The following SEC63 variants were observed in gnomAD, a reference collection of about 807,000 sequenced individuals.
SEC63 encodes translocation protein SEC63 homolog.
In SEC63, 56 loss-of-function variants were observed where a neutral mutation model predicts 116.2. The ratio of observed to expected loss-of-function variants is 0.48; its 90% CI spans 0.39 to 0.60. SEC63 has a LOEUF of 0.60. SEC63 is among the 20% of genes least tolerant of loss of function. SEC63 has a pLI of 0.00. For missense variants in SEC63, 668 were observed against 900.0 expected (o/e 0.74, Z 3.30); for synonymous variants, 273 against 294.6 (o/e 0.93, Z 0.75).
At chr6:107,885,792 A>G (rs1172642150) in intron 16 of SEC63, among the ~76,000 whole-genome samples, 2 of 152,222 alleles carry the variant, frequency 1.3e-5, no homozygotes, top group African/African-American at 2.4e-5. Context: ...TGGCACTGGC[A>G]TAAGAATAGA....
chr6:107,918,170 C>A (rs931893571), intron 4 of SEC63, among the ~76,000 whole-genome samples: 4 of 151,308 alleles, frequency 2.6e-5, no homozygotes, highest in Non-Finnish European at 4.4e-5. Context: ...ATAAATAGAA[C>A]AACAAATCCT....
intron 18 of SEC63, among the ~76,000 whole-genome samples, chr6:107,879,775 A>C (rs1460300148): frequency 4.3e-5 from 6 of 139,540 alleles, no homozygotes; most frequent in Non-Finnish European, 9.1e-5. Flanking sequence ...TCCAAGCTGG[A>C]GTTCAGTGGC....
Position 107,869,262 on chromosome 6 carries a change from A to AT in SEC63, c.*2441dup, listed in dbSNP as rs1786069181. Reference sequence around the variant, plus strand: ...AAGGACATGAACATCTAACTCTGAGATTGAGATATTAACACCTCAGGGCCT... The same window carrying AT: ...AAGGACATGAACATCTAACTCTGAGATTTGAGATATTAACACCTCAGGGCCT... On this transcript the variant is annotated 3_prime_UTR_variant, in exon 21 of 21. Transcript: ENST00000369002. The AT allele has an allele frequency of 6.6e-6, 1 of 152,232 alleles. No homozygotes were observed. Among genetic ancestry groups the AT allele is most frequent in the Non-Finnish European group, 1.5e-5 (1 of 68,048 alleles). The allele number at this position is 152,232 out of a possible 1,614,324, so 9.4% of individuals were successfully genotyped here. A position where few individuals can be genotyped will look rare whatever the true frequency, so the allele number is the denominator to read the frequency against.
intron 6 of SEC63, among the ~76,000 whole-genome samples, chr6:107,912,037 C>G (rs1186971672): frequency 6.6e-6 from 1 of 152,212 alleles, no homozygotes; most frequent in African/African-American, 2.4e-5. Flanking sequence ...TGTATACCCC[C>G]TCAAGGTAAC....
intron 17 of SEC63, among the ~76,000 whole-genome samples, chr6:107,882,217 C>G (rs1200245939): frequency 2.6e-5 from 4 of 152,264 alleles, no homozygotes; most frequent in East Asian, 3.9e-4. Context: ...TTTGGCCTCT[C>G]CTTTTGCCTC....
intron 4 of SEC63, among the ~76,000 whole-genome samples, chr6:107,913,813 T>G (rs562704059): frequency 6.6e-6 from 1 of 152,212 alleles, no homozygotes; most frequent in African/African-American, 2.4e-5. Context: ...ATTTCTTCAA[T>G]GAGCATGTTT....
chr6:107,883,967 C>G (rs1786470283), intron 16 of SEC63, among the ~76,000 whole-genome samples: 1 of 151,874 alleles, frequency 6.6e-6, no homozygotes, highest in African/African-American at 2.4e-5. Flanking sequence ...AAAGCAGAAA[C>G]AGGCGGGACG....
At chr6:107,906,154 C>T (rs1411061444) in intron 10 of SEC63, among the ~76,000 whole-genome samples, 1 of 152,164 alleles carries the variant, frequency 6.6e-6, no homozygotes, top group Non-Finnish European at 1.5e-5. Context: ...CGTGTGGCAT[C>T]TCCCCCATCT....
intron 1 of SEC63, among the ~76,000 whole-genome samples, chr6:107,935,957 A>G (rs1290046933): frequency 3.3e-5 from 5 of 152,238 alleles, no homozygotes; most frequent in Admixed American, 3.3e-4. Flanking sequence ...TTCATGGTTT[A>G]GAGAACACTT....
chr6:107,922,053 A>G lies in SEC63; in HGVS notation c.340-144T>C, dbSNP rs1008481. The G allele has an allele frequency of 1.2e-5, 7 of 607,900 alleles. No homozygotes were observed. The Admixed American group carries it at 1.2e-4, about 11-fold the overall frequency. 37.7% of individuals were successfully genotyped at this position (607,900 alleles called of 1,614,324 possible). ...AGACAAAATCCATTTTTCATCCTAT[A>G]TATTTTTCCCATAAATTTCATCCCA... On this transcript the variant is annotated intron_variant, in intron 3 of 20. Transcript: ENST00000369002.
intron 13 of SEC63, among the ~76,000 whole-genome samples, chr6:107,898,124 C>T (rs1314952208): frequency 6.6e-6 from 1 of 151,856 alleles, no homozygotes; most frequent in African/African-American, 2.4e-5. Context: ...ATTAGCCAGG[C>T]GTGATGGTGC....
Position 107,912,717 on chromosome 6 carries a change from A to G in SEC63, c.572T>C (p.Leu191Pro), listed in dbSNP as rs761247892. The change falls in exon 6 of 21, where the codon CTG becomes CCG. Residue 191 changes from leucine to proline, a missense_variant and splice_region_variant. By Grantham distance (98) the Leu-to-Pro change is moderately conservative. Around this residue, in one of 5 missense-constraint regions of SEC63, gnomAD observed 430 missense variants for 557.5 expected, o/e 0.77. Transcript: ENST00000369002. ...TGTATCTTATTTAAATGCACTCACC[A>G]GAATTGAGTTTTTCTGGTCAACTAT... ...AWIVDQKNSI[L>P]VLLVYGLAFM... 54 of 1,600,100 alleles carry G rather than the reference A, an allele frequency of 3.4e-5. No individual in the cohort carries two copies. Among genetic ancestry groups the G allele is most frequent in the Non-Finnish European group, 4.5e-5 (53 of 1,167,734 alleles).
intron 16 of SEC63, among the ~76,000 whole-genome samples, chr6:107,888,478 T>A (rs944818617): frequency 6.6e-6 from 1 of 152,244 alleles, no homozygotes; most frequent in Non-Finnish European, 1.5e-5. Flanking sequence ...CTTATCAGCT[T>A]AATGAGATTT....
At chr6:107,934,818 T>G (rs1204452618) in intron 1 of SEC63, among the ~76,000 whole-genome samples, 1 of 5,784 alleles carries the variant, frequency 1.7e-4, no homozygotes, top group African/African-American at 1.7e-3. Context: ...CCCCTCTGCC[T>G]GGCCAGCTGC....
intron 16 of SEC63, among the ~76,000 whole-genome samples, chr6:107,889,505 G>C (rs1187361106): frequency 6.6e-6 from 1 of 151,798 alleles, no homozygotes; most frequent in Non-Finnish European, 1.5e-5. Context: ...AGTCTGGCTA[G>C]TGATCTATTT....
At chr6:107,919,162 C>G (rs949230284) in intron 4 of SEC63, among the ~76,000 whole-genome samples, 1 of 152,072 alleles carries the variant, frequency 6.6e-6, no homozygotes, top group Non-Finnish European at 1.5e-5. Flanking sequence ...CCACCTGCCT[C>G]GGCCTCCCAA....
At chr6:107,956,074 C>A in intron 1 of SEC63, 1 of 352,238 alleles carries the variant, frequency 2.8e-6, no homozygotes, top group Admixed American at 4.0e-5. Flanking sequence ...GAAGCAAGTT[C>A]AAGACCAGCC....
chr6:107,891,852 T>C (rs1039054787), intron 16 of SEC63, among the ~76,000 whole-genome samples: 2 of 152,190 alleles, frequency 1.3e-5, no homozygotes, highest in Non-Finnish European at 2.9e-5. Flanking sequence ...GGAGGTCTGC[T>C]CCAGACCCTC....
intron 1 of SEC63, among the ~76,000 whole-genome samples, chr6:107,939,631 T>C (rs575200976): frequency 2.8e-4 from 42 of 151,974 alleles, no homozygotes; most frequent in Non-Finnish European, 5.0e-4. Flanking sequence ...TGAGCACCTG[T>C]TACTGGGGAT....
Sources: gnomAD v4.1 joint callset for allele counts (sites outside exome capture counted in the v4.1 genomes callset) on GRCh38, gnomAD v4.1.1 for gene constraint, gnomAD v4.1.1 regional missense constraint, MANE v1.5 for transcripts, NCBI Gene and HGNC (gene_info 2026-07-23, HGNC 2026-07-21) for gene names.